TKFC: variants seen among roughly 807,000 people sequenced by gnomAD.
TKFC encodes triokinase and FMN cyclase, also known as triokinase/FMN cyclase.
In TKFC, 46 loss-of-function variants were observed where a neutral mutation model predicts 61.0. The ratio of observed to expected loss-of-function variants is 0.75; its 90% CI spans 0.60 to 0.96. The LOEUF is 0.96. Among genes scored for constraint, TKFC ranks in the 50% least tolerant of loss-of-function variants. TKFC has a pLI of 0.00. For synonymous variants in TKFC, 314 were observed against 330.1 expected, an observed-to-expected ratio of 0.95 and a Z score of 0.53; for missense variants, 715 against 777.5, an observed-to-expected ratio of 0.92 and a Z score of 0.96.
chr11:61,342,271 A>T, intron 7 of TKFC, 190 bp from the exon 8 acceptor site: 1 of 727,236 alleles, frequency 1.4e-6, no homozygotes, highest in Non-Finnish European at 2.4e-6. Context: ...ATCTCTAGTT[A>T]AAGCTATCTC....
Position 61,343,939 on chromosome 11 carries a change from G to A in TKFC, c.1066G>A (p.Glu356Lys), listed in dbSNP as rs199910832. 43 of 1,611,382 alleles carry A rather than the reference G, an allele frequency of 2.7e-5. No individual in the cohort carries two copies. The highest frequency in any genetic ancestry group is 2.9e-5 in the Non-Finnish European group (34 of 1,179,994). Residue 356 changes from glutamate to lysine, a missense_variant, in exon 12 of 18, where the codon GAG (glutamate) becomes AAG (lysine). Glu to Lys is a moderately conservative substitution (Grantham distance 56). Transcript: ENST00000394900. The stretch of plus-strand genomic sequence containing the variant: ...GAAGCGGAGCCGGGTAGCCCCTGCC[G>A]AGCCCCAGGAGGCCCCTGATTCCAC... ...GRKRSRVAPA[E>K]PQEAPDSTAA...
At chr11:61,336,620 G>A (rs959085249) in intron 2 of TKFC, among the ~76,000 whole-genome samples, 1 of 152,184 alleles carries the variant, frequency 6.6e-6, no homozygotes, top group Non-Finnish European at 1.5e-5. Flanking sequence ...CGACAATGAT[G>A]TATCTTCCCT....
downstream of TKFC, chr11:61,350,564 G>C (rs1228640057): frequency 9.6e-7 from 1 of 1,046,300 alleles, no homozygotes; most frequent in Non-Finnish European, 1.4e-6. Flanking sequence ...CAAAGTCCCT[G>C]AGCCTGGTAC....
downstream of TKFC, chr11:61,350,227 A>G (rs1857332034): frequency 2.5e-6 from 2 of 796,240 alleles, no homozygotes; most frequent in Non-Finnish European, 3.9e-6. Context: ...AGGAAAGCAG[A>G]CAGGCAGCAA....
rs963345299 is a variant in TKFC at position 61,334,661 on chromosome 11, A to G, written c.-68A>G. On this transcript the variant is annotated 5_prime_UTR_variant, in exon 2 of 18. Coordinates refer to ENST00000394900, the MANE Select transcript of TKFC (RefSeq NM_015533.4). ...CACTGTACTCAGACCCAGGTAGCAC[A>G]GGATTGTCCATCCTCCAGCAGCTCA... 13 of 1,611,986 alleles carry G rather than the reference A, an allele frequency of 8.1e-6. No individual in the cohort carries two copies. In the Admixed American group the frequency reaches 1.7e-4, roughly 21 times the overall value.
At chr11:61,334,814 A>G (rs1856535711) in intron 2 of TKFC, 83 bp downstream of exon 2, 3 of 1,597,590 alleles carry the variant, frequency 1.9e-6, no homozygotes, top group African/African-American at 1.3e-5. Context: ...AGCTCCTTAC[A>G]CTTTGACTGA....
At chr11:61,333,956 T>C (rs1217367830) in intron 1 of TKFC, 1 of 152,396 alleles carries the variant, frequency 6.6e-6, no homozygotes, top group African/African-American at 2.4e-5. Context: ...CAGAGCTATG[T>C]TGATTCTTCC....
In TKFC at chr11:61,345,511, C is replaced by A. The variant is rs764846094; in HGVS notation, c.1397C>A (p.Thr466Asn). ...TAAAQPLKAKTSLPAWSAAMD... is the reference protein window; with the variant it reads ...TAAAQPLKAKNSLPAWSAAMD... ...GCTGCACAGCCCCTGAAGGCCAAGACCAGCCTCCCAGCCTGGTCTGCTGCC... is the reference window on the plus strand; with the variant it reads ...GCTGCACAGCCCCTGAAGGCCAAGAACAGCCTCCCAGCCTGGTCTGCTGCC... Residue 466 changes from threonine to asparagine, a missense_variant, in exon 15 of 18, where the codon ACC becomes AAC. Transcript: ENST00000394900. The A allele has an allele frequency of 6.2e-7, 1 of 1,613,298 alleles. No homozygotes were observed. Among genetic ancestry groups the A allele is most frequent in the Non-Finnish European group, 8.5e-7 (1 of 1,180,032 alleles).
At chr11:61,338,992 G>A (rs774407669) in intron 3 of TKFC, 74 bp from the exon 4 acceptor site, 12 of 1,316,158 alleles carry the variant, frequency 9.1e-6, no homozygotes, top group Middle Eastern at 2.6e-4. Context: ...CATGACCCCC[G>A]GAGTGTGGGA....
downstream of TKFC, chr11:61,349,602 C>A: frequency 1.4e-6 from 1 of 702,970 alleles, no homozygotes; most frequent in South Asian, 1.5e-5. Flanking sequence ...ACACGTAAGT[C>A]ACAGGGAAAG....
At chr11:61,343,507 G>T in intron 11 of TKFC, 49 bp downstream of exon 11, 1 of 1,539,946 alleles carries the variant, frequency 6.5e-7, no homozygotes. Context: ...CTTGTAACTG[G>T]AAGGAGCCAG....
chr11:61,349,969 A>G, downstream of TKFC: 2 of 468,590 alleles, frequency 4.3e-6, no homozygotes, highest in East Asian at 8.1e-5. Flanking sequence ...TAGGAGTCTT[A>G]AGAGGAAATC....
rs781195144 is a variant in TKFC, at chr11:61,345,736, C to T, written c.1476C>T (p.Asp492=). 2 of 1,614,260 alleles carry T rather than the reference C, an allele frequency of 1.2e-6. No homozygotes were observed. Among genetic ancestry groups the T allele is most frequent in the Non-Finnish European group, 1.7e-6 (2 of 1,180,042 alleles). The change falls in exon 16 of 18, where the codon GAC becomes GAT. Residue 492 remains aspartate (D), a synonymous_variant. Transcript: ENST00000394900. ...MQKYGKAAPG[D]RTMLDSLWAA... Reference sequence around the variant, plus strand: ...GGTATGGCAAGGCTGCTCCAGGGGACAGGACTATGGTATGTACTCAGGCTG... The same window carrying T: ...GGTATGGCAAGGCTGCTCCAGGGGATAGGACTATGGTATGTACTCAGGCTG...
chr11:61,345,431 A>C, intron 14 of TKFC, 31 bp from the exon 15 acceptor site: 1 of 1,606,462 alleles, frequency 6.2e-7, no homozygotes, highest in Non-Finnish European at 8.5e-7. Context: ...CCAGGCCAGC[A>C]CCACATGCTC....
In TKFC at chr11:61,338,010, A is replaced by G; in HGVS notation, c.73A>G (p.Asn25Asp). 1.9e-6 allele frequency: 3 copies of G among 1,613,636 alleles called. No individual in the cohort carries two copies. Among genetic ancestry groups the G allele is most frequent in the Non-Finnish European group, 2.5e-6 (3 of 1,179,864 alleles). Residue 25 changes from asparagine (N) to aspartate (D), a missense_variant, in exon 3 of 18, where the codon AAC becomes GAC. Transcript: ENST00000394900. ...DDALAGLVAC[N>D]PNLQLLQGHR... ...CGCTCTTGCTGGCCTGGTGGCCTGCAACCCCAACCTGCAGCTCCTGCAGGG... is the reference window on the plus strand; with the variant it reads ...CGCTCTTGCTGGCCTGGTGGCCTGCGACCCCAACCTGCAGCTCCTGCAGGG...
At chr11:61,334,784 C>A in intron 2 of TKFC, 53 bp downstream of exon 2, 1 of 1,613,426 alleles carries the variant, frequency 6.2e-7, no homozygotes, top group Non-Finnish European at 8.5e-7. Flanking sequence ...AAAGCAGGAT[C>A]CCAGCCTTGG....
downstream of TKFC, chr11:61,350,990 C>A: frequency 1.9e-6 from 3 of 1,612,894 alleles, no homozygotes; most frequent in East Asian, 2.2e-5. Flanking sequence ...GGAACCCATA[C>A]CTGTCTGTCG....
At chr11:61,349,475 A>T, downstream of TKFC, 2 of 694,080 alleles carry the variant, frequency 2.9e-6, no homozygotes, top group Non-Finnish European at 5.3e-6. Flanking sequence ...CAGCAAGGAG[A>T]AGTAGAGGAA....
chr11:61,352,079 T>G (rs548918390), downstream of TKFC: 2 of 152,284 alleles, frequency 1.3e-5, no homozygotes, highest in Admixed American at 1.3e-4. Flanking sequence ...AGCAATGAAA[T>G]TAACTTGCCC....
Sources: allele counts gnomAD v4.1 joint callset (sites outside exome capture counted in the v4.1 genomes callset), GRCh38; gene constraint gnomAD v4.1.1; transcripts MANE v1.5; gene names NCBI Gene and HGNC (gene_info 2026-07-23, HGNC 2026-07-21).